The following HS6ST3 variants were observed in gnomAD, a reference collection of about 807,000 sequenced individuals.
The protein encoded by HS6ST3 is heparan sulfate 6-O-sulfotransferase 3, also known as heparan-sulfate 6-O-sulfotransferase 3.
Under a neutral mutation model 36.7 loss-of-function variants are expected in HS6ST3, and 12 were observed. The ratio of observed to expected loss-of-function variants is 0.33; its 90% CI spans 0.21 to 0.53. The LOEUF (loss-of-function observed/expected upper bound fraction) is 0.53, where lower values mean the gene tolerates loss of function less well. HS6ST3 is among the 20% of genes least tolerant of loss of function. The pLI is 0.95. For synonymous variants in HS6ST3, 240 were observed against 257.5 expected, an observed-to-expected ratio of 0.93 and a Z score of 0.65; for missense variants, 584 against 640.9, an observed-to-expected ratio of 0.91 and a Z score of 0.96.
At chr13:96,196,317 G>A (rs960554129) in intron 1 of HS6ST3, among the ~76,000 whole-genome samples, 6 of 152,064 alleles carry the variant, frequency 3.9e-5, no homozygotes, top group South Asian at 2.1e-4. Flanking sequence ...TCTTGGCCTC[G>A]CCTACTTGGA....
intron 1 of HS6ST3, among the ~76,000 whole-genome samples, chr13:96,593,944 G>C (rs904058595): frequency 2.6e-5 from 4 of 151,210 alleles, no homozygotes; most frequent in African/African-American, 9.7e-5. Flanking sequence ...TATCTTGTAG[G>C]CAGTTTATAA....
At chr13:96,231,102 G>A (rs988597765) in intron 1 of HS6ST3, among the ~76,000 whole-genome samples, 8 of 152,096 alleles carry the variant, frequency 5.3e-5, no homozygotes, top group African/African-American at 1.9e-4. Flanking sequence ...GCAGGGAGGG[G>A]CTGCCTCAGT....
At chr13:96,193,766 G>A (rs897776271) in intron 1 of HS6ST3, among the ~76,000 whole-genome samples, 5 of 152,166 alleles carry the variant, frequency 3.3e-5, no homozygotes, top group African/African-American at 7.2e-5. Context: ...TTGCATAAAC[G>A]TGCAGGGCAT....
intron 1 of HS6ST3, among the ~76,000 whole-genome samples, chr13:96,725,992 C>G (rs890124028): frequency 6.6e-6 from 1 of 152,074 alleles, no homozygotes; most frequent in African/African-American, 2.4e-5. Context: ...CGCCCGCCAC[C>G]GCTGCTGGCT....
intron 1 of HS6ST3, among the ~76,000 whole-genome samples, chr13:96,283,941 A>C (rs1200378617): frequency 6.6e-6 from 1 of 152,192 alleles, no homozygotes; most frequent in Admixed American, 6.5e-5. Flanking sequence ...ATGGTTCACA[A>C]TGAATAAGTG....
At chr13:96,345,002 C>T (rs1401523004) in intron 1 of HS6ST3, among the ~76,000 whole-genome samples, 1 of 152,026 alleles carries the variant, frequency 6.6e-6, no homozygotes, top group African/African-American at 2.4e-5. Flanking sequence ...ATCATATTTC[C>T]CAGTAAAATT....
At chr13:96,499,946 A>T (rs1373679465) in intron 1 of HS6ST3, among the ~76,000 whole-genome samples, 1 of 152,214 alleles carries the variant, frequency 6.6e-6, no homozygotes, top group African/African-American at 2.4e-5. Context: ...TATGATTCAT[A>T]TATCATAAAA....
chr13:96,839,361 A>G lies in HS6ST3; in HGVS notation c.*6163A>G, dbSNP rs1396685314. ...GTAGATAGTTATTCAGTAGATAGTA[A>G]ATTATTTCTCTTAAGAGATATTTCC... On this transcript the variant is annotated 3_prime_UTR_variant, in exon 2 of 2. Transcript: ENST00000376705. 6.6e-6 allele frequency: 1 copy of G among 152,136 alleles called. No homozygotes were observed. Among genetic ancestry groups the G allele is most frequent in the Non-Finnish European group, 1.5e-5 (1 of 68,028 alleles). 9.4% of individuals were successfully genotyped at this position (152,136 alleles called of 1,614,324 possible). A position where few individuals can be genotyped will look rare whatever the true frequency, so the allele number is the denominator to read the frequency against.
intron 1 of HS6ST3, among the ~76,000 whole-genome samples, chr13:96,714,964 C>T (rs762720485): frequency 9.2e-5 from 14 of 151,988 alleles, no homozygotes; most frequent in Admixed American, 9.2e-4. Flanking sequence ...ATTGTGGCCT[C>T]GTAACAGCAC....
intron 1 of HS6ST3, among the ~76,000 whole-genome samples, chr13:96,399,094 T>A (rs2055436276): frequency 6.6e-6 from 1 of 152,242 alleles, no homozygotes; most frequent in Non-Finnish European, 1.5e-5. Flanking sequence ...CCACTGAATT[T>A]GTGGTAATTA....
intron 1 of HS6ST3, among the ~76,000 whole-genome samples, chr13:96,259,937 A>G (rs2054655844): frequency 6.6e-6 from 1 of 152,070 alleles, no homozygotes; most frequent in South Asian, 2.1e-4. Flanking sequence ...TGATTTGGGT[A>G]TGTAGCAATA....
At chr13:96,746,227 A>T (rs1876558105) in intron 1 of HS6ST3, among the ~76,000 whole-genome samples, 1 of 152,102 alleles carries the variant, frequency 6.6e-6, no homozygotes, top group Admixed American at 6.6e-5. Flanking sequence ...TTTTAATATA[A>T]TTCCAGTTTT....
intron 1 of HS6ST3, among the ~76,000 whole-genome samples, chr13:96,622,345 A>G (rs2056498145): frequency 1.3e-5 from 2 of 152,166 alleles, no homozygotes. Context: ...CTTGGGAGAA[A>G]TATCATTTCC....
chr13:96,241,340 A>G (rs945866608), intron 1 of HS6ST3, among the ~76,000 whole-genome samples: 3 of 152,194 alleles, frequency 2.0e-5, no homozygotes, highest in African/African-American at 7.2e-5. Context: ...AGGCACTTAC[A>G]TAAAAATGAA....
intron 1 of HS6ST3, among the ~76,000 whole-genome samples, chr13:96,197,947 T>G (rs1287491796): frequency 6.6e-6 from 1 of 152,202 alleles, no homozygotes; most frequent in East Asian, 1.9e-4. Flanking sequence ...ATTTCTCTTC[T>G]GCACTGGCCT....
intron 1 of HS6ST3, among the ~76,000 whole-genome samples, chr13:96,373,797 C>T (rs2055301855): frequency 6.6e-6 from 1 of 152,146 alleles, no homozygotes; most frequent in Admixed American, 6.6e-5. Context: ...AATGTAATCC[C>T]AGGGGTATAC....
At chr13:96,595,500 G>T (rs1052083277) in intron 1 of HS6ST3, among the ~76,000 whole-genome samples, 3 of 151,112 alleles carry the variant, frequency 2.0e-5, no homozygotes, top group African/African-American at 7.3e-5. Flanking sequence ...TTGACAGCAT[G>T]ATTAGAATAT....
At chr13:96,412,311 T>C (rs964293334) in intron 1 of HS6ST3, among the ~76,000 whole-genome samples, 1 of 152,138 alleles carries the variant, frequency 6.6e-6, no homozygotes, top group South Asian at 2.1e-4. Flanking sequence ...CCGTGCCTGA[T>C]ATTTCTAAGA....
intron 1 of HS6ST3, among the ~76,000 whole-genome samples, chr13:96,134,867 CT>C (rs2053993502): frequency 1.3e-5 from 2 of 152,158 alleles, no homozygotes; most frequent in African/African-American, 4.8e-5. Flanking sequence ...TAATAGTTTT[CT>C]TTATGGAAGG....
Sources: allele counts gnomAD v4.1 joint callset (sites outside exome capture counted in the v4.1 genomes callset), GRCh38; gene constraint gnomAD v4.1.1; transcripts MANE v1.5; gene names NCBI Gene and HGNC (gene_info 2026-07-23, HGNC 2026-07-21).